PRKN: variants seen among roughly 807,000 people sequenced by gnomAD.
The protein encoded by PRKN is parkin RBR E3 ubiquitin protein ligase, also known as E3 ubiquitin-protein ligase parkin.
PRKN carries 56 observed loss-of-function variants against 59.5 expected under a neutral mutation model. The observed-to-expected ratio is 0.94, with a 90% CI of 0.76 to 1.18. PRKN has a LOEUF of 1.18. Among genes scored for constraint, PRKN ranks in the 50% most tolerant of loss-of-function variants. The pLI is 0.00. For missense variants in PRKN, 657 were observed against 596.4 expected (o/e 1.10, Z -1.06); for synonymous variants, 250 against 222.1 (o/e 1.13, Z -1.12).
At chr6:162,264,882 A>C (rs760096711) in intron 2 of PRKN, 1 of 152,144 alleles carries the variant, frequency 6.6e-6, no homozygotes, top group Non-Finnish European at 1.5e-5. Flanking sequence ...CTAATCTTTG[A>C]CATCGGCAAG....
At chr6:162,464,317 T>A (rs934804368) in intron 1 of PRKN, among the ~76,000 whole-genome samples, 4 of 152,148 alleles carry the variant, frequency 2.6e-5, no homozygotes, top group African/African-American at 9.7e-5. Context: ...CATATGAAAA[T>A]TAAATAAATG....
chr6:161,897,785 A>T (rs895948428), intron 6 of PRKN, among the ~76,000 whole-genome samples: 5 of 147,994 alleles, frequency 3.4e-5, no homozygotes, highest in Admixed American at 2.0e-4. Context: ...ATCGAGACCA[A>T]GGTGAAACCC....
At chr6:162,655,906 A>G (rs1181674694) in intron 1 of PRKN, among the ~76,000 whole-genome samples, 1 of 152,234 alleles carries the variant, frequency 6.6e-6, no homozygotes, top group African/African-American at 2.4e-5. Flanking sequence ...ATAGTAATTT[A>G]GAATATTAAG....
chr6:162,483,406 T>A (rs942208676), intron 1 of PRKN, among the ~76,000 whole-genome samples: 1 of 152,102 alleles, frequency 6.6e-6, no homozygotes, highest in African/African-American at 2.4e-5. Context: ...TTTAACTATA[T>A]GCAAATTTTT....
At chr6:161,791,478 T>G (rs1449160517) in intron 6 of PRKN, among the ~76,000 whole-genome samples, 1 of 152,236 alleles carries the variant, frequency 6.6e-6, no homozygotes, top group Non-Finnish European at 1.5e-5. Context: ...TTCTCTCTCA[T>G]TTGCCCTCCT....
chr6:162,405,771 C>CA (rs1788031391), intron 2 of PRKN, among the ~76,000 whole-genome samples: 1 of 152,064 alleles, frequency 6.6e-6, no homozygotes, highest in African/African-American at 2.4e-5. Flanking sequence ...GTGCCATCCG[C>CA]AAGCCAAGGA....
chr6:161,690,466 T>C (rs1785738188), intron 7 of PRKN, among the ~76,000 whole-genome samples: 1 of 152,226 alleles, frequency 6.6e-6, no homozygotes. Flanking sequence ...TTAAAGAGCC[T>C]TCTAACCTGA....
chr6:161,774,763 G>C (rs1032757414), intron 7 of PRKN, among the ~76,000 whole-genome samples: 5 of 152,142 alleles, frequency 3.3e-5, no homozygotes, highest in African/African-American at 1.2e-4. Flanking sequence ...GTGTTGCTTT[G>C]GTTAGAGAAG....
chr6:161,736,983 A>G (rs1426624371), intron 7 of PRKN, among the ~76,000 whole-genome samples: 1 of 152,198 alleles, frequency 6.6e-6, no homozygotes, highest in South Asian at 2.1e-4. Context: ...CTGACCAAGC[A>G]TAGCTCAGCG....
intron 1 of PRKN, among the ~76,000 whole-genome samples, chr6:162,711,280 G>C (rs1028936300): frequency 6.6e-6 from 1 of 152,134 alleles, no homozygotes; most frequent in Non-Finnish European, 1.5e-5. Context: ...AGATTAAAGA[G>C]CCCCTCTGTA....
chr6:161,478,498 TATTTC>T (rs993198932), intron 9 of PRKN, among the ~76,000 whole-genome samples: 29 of 150,392 alleles, frequency 1.9e-4, no homozygotes, highest in African/African-American at 6.7e-4. Flanking sequence ...TCCAAAGGAT[TATTTC>T]ATTTAACTCT....
At chr6:162,308,913 T>C (rs559908022) in intron 2 of PRKN, among the ~76,000 whole-genome samples, 1 of 152,180 alleles carries the variant, frequency 6.6e-6, no homozygotes, top group Admixed American at 6.5e-5. Flanking sequence ...GCATAGTTAT[T>C]CAACTAAGAT....
chr6:161,614,997 GAGAA>G (rs1254605886), intron 7 of PRKN, among the ~76,000 whole-genome samples: 2 of 130,756 alleles, frequency 1.5e-5, no homozygotes, highest in Non-Finnish European at 3.3e-5. Context: ...GAGAGAGAGA[GAGAA>G]CACTGAAACT....
chr6:162,331,147 G>A (rs1337823708), intron 2 of PRKN, among the ~76,000 whole-genome samples: 2 of 148,944 alleles, frequency 1.3e-5, no homozygotes, highest in African/African-American at 2.5e-5. Flanking sequence ...TGGCCAACGT[G>A]GTGAAACCCC....
chr6:162,723,767 G>A (rs1263662571), intron 1 of PRKN, among the ~76,000 whole-genome samples: 1 of 152,166 alleles, frequency 6.6e-6, no homozygotes, highest in Non-Finnish European at 1.5e-5. Context: ...AAACACTTCT[G>A]ACAACAGTTG....
intron 7 of PRKN, among the ~76,000 whole-genome samples, chr6:161,737,441 C>T (rs1788010574): frequency 6.6e-6 from 1 of 152,182 alleles, no homozygotes; most frequent in Admixed American, 6.5e-5. Context: ...ATATATAAGA[C>T]TTTAAAGCAG....
chr6:161,946,391 C>CAA (rs1277761888), intron 6 of PRKN, among the ~76,000 whole-genome samples: 2 of 82,886 alleles, frequency 2.4e-5, no homozygotes, highest in Non-Finnish European at 5.2e-5. Flanking sequence ...GCACATCACA[C>CAA]ACACACACAC....
At chr6:162,625,023 T>C (rs2803035) in intron 1 of PRKN, among the ~76,000 whole-genome samples, 93,178 of 152,076 alleles carry the variant, frequency 0.61, 29,271 homozygotes, top group African/African-American at 0.75. Context: ...ATTTCCCTTC[T>C]TCACTCAGGT....
intron 9 of PRKN, among the ~76,000 whole-genome samples, chr6:161,404,260 G>C (rs1441425712): frequency 2.0e-5 from 3 of 152,120 alleles, no homozygotes; most frequent in African/African-American, 7.2e-5. Flanking sequence ...ACTTGGCCCT[G>C]AGTAGGAGCT....
Sources: allele counts gnomAD v4.1 joint callset (sites outside exome capture counted in the v4.1 genomes callset), GRCh38; gene constraint gnomAD v4.1.1; transcripts MANE v1.5; gene names NCBI Gene and HGNC (gene_info 2026-07-23, HGNC 2026-07-21).